ZNF469: variants seen among roughly 807,000 people sequenced by gnomAD.
The protein encoded by ZNF469 is zinc finger protein 469.
A neutral mutation model predicts 1.0 loss-of-function variants in ZNF469; 1 was observed. That is an observed-to-expected ratio of 1.00 (90% CI 0.35 to 4.73). ZNF469 has a LOEUF of 4.73. Among genes scored for constraint, ZNF469 ranks in the 30% most tolerant of loss-of-function variants. The pLI is 0.16. For missense variants in ZNF469, 6,100 were observed against 5,356.3 expected (o/e 1.14, Z -4.33); for synonymous variants, 2,703 against 2,363.4 (o/e 1.14, Z -4.17).
the ZNF469 span, among the ~76,000 whole-genome samples, chr16:88,317,289 C>G: frequency 0.014 from 2,162 of 152,332 alleles, 60 homozygotes; most frequent in African/African-American, 0.05. Context: ...ACCCTCTTCT[C>G]CGTGGAGCCT....
chr16:88,406,117 C>G (rs982878495), intron 1 of ZNF469, among the ~76,000 whole-genome samples: 9 of 152,246 alleles, frequency 5.9e-5, no homozygotes, highest in Non-Finnish European at 8.8e-5. Context: ...CACGAGCCAC[C>G]GTGTCCAGCC....
chr16:88,144,848 CT>C, the ZNF469 span, among the ~76,000 whole-genome samples: 11,560 of 150,254 alleles, frequency 0.077, 886 homozygotes, highest in East Asian at 0.19. Context: ...TTTTGCCCCC[CT>C]TTTTTTTTTT....
Position 88,439,056 on chromosome 16 carries a change from C to T in ZNF469, c.11586C>T (p.Pro3862=). The change falls in exon 3 of 3, where the codon CCC becomes CCT. Residue 3862 remains proline, a synonymous_variant. Transcript: ENST00000565624. ...ATPSRVLPTK[P]KPNSQNKPRP... Reference sequence around the variant, plus strand: ...CCAGCCGCGTGCTCCCGACCAAGCCCAAGCCCAACAGCCAGAACAAACCCA... The same window carrying T: ...CCAGCCGCGTGCTCCCGACCAAGCCTAAGCCCAACAGCCAGAACAAACCCA... 2 of 1,550,628 alleles carry T rather than the reference C, an allele frequency of 1.3e-6. No individual in the cohort carries two copies. Among genetic ancestry groups the T allele is most frequent in the African/African-American group, 2.7e-5 (2 of 73,184 alleles).
chr16:88,137,068 A>G, the ZNF469 span, among the ~76,000 whole-genome samples: 1 of 152,180 alleles, frequency 6.6e-6, no homozygotes, highest in African/African-American at 2.4e-5. Flanking sequence ...ATACCACCAC[A>G]CAAGCACCAT....
At chr16:88,337,404 C>T in the ZNF469 span, among the ~76,000 whole-genome samples, 2 of 152,238 alleles carry the variant, frequency 1.3e-5, no homozygotes, top group African/African-American at 4.8e-5. Context: ...GAGGCCTCCT[C>T]AGCCCTGTGG....
chr16:88,283,850 G>A, the ZNF469 span, among the ~76,000 whole-genome samples: 1 of 146,504 alleles, frequency 6.8e-6, no homozygotes, highest in Non-Finnish European at 1.5e-5. Flanking sequence ...CCCAAGGTCT[G>A]CAGAGGCTGG....
At chr16:88,289,649 T>C in the ZNF469 span, among the ~76,000 whole-genome samples, 124 of 152,252 alleles carry the variant, frequency 8.1e-4, no homozygotes, top group East Asian at 0.014. Context: ...AAGTCACTTG[T>C]GAGTGGTGGA....
At chr16:88,337,708 C>T in the ZNF469 span, among the ~76,000 whole-genome samples, 16 of 152,188 alleles carry the variant, frequency 1.1e-4, no homozygotes, top group East Asian at 5.8e-4. Context: ...GGCCACCCCA[C>T]GGGCGTCAGG....
the ZNF469 span, among the ~76,000 whole-genome samples, chr16:88,156,748 A>T: frequency 6.6e-6 from 1 of 152,034 alleles, no homozygotes; most frequent in African/African-American, 2.4e-5. Context: ...GAGGGACTTG[A>T]GGTGCTGCTG....
the ZNF469 span, among the ~76,000 whole-genome samples, chr16:88,166,878 G>A: frequency 2.0e-5 from 3 of 151,388 alleles, no homozygotes; most frequent in African/African-American, 7.3e-5. This position sits in a 1 kb window ranked among gnomAD's most constrained non-coding sequence, Gnocchi z 4.5. Flanking sequence ...ATAACAGATA[G>A]CATTATATCT....
the ZNF469 span, among the ~76,000 whole-genome samples, chr16:88,111,545 CTG>C: frequency 6.6e-6 from 1 of 152,186 alleles, no homozygotes; most frequent in African/African-American, 2.4e-5. Flanking sequence ...CCTTCCCAGC[CTG>C]TGGTAACCCT....
chr16:88,247,799 G>T, the ZNF469 span, among the ~76,000 whole-genome samples: 1 of 152,010 alleles, frequency 6.6e-6, no homozygotes, highest in African/African-American at 2.4e-5. Context: ...GTAAATGAGT[G>T]AATGAGTGAG....
the ZNF469 span, among the ~76,000 whole-genome samples, chr16:88,294,998 A>AGGACGTGGCAGGGCTCAGG: frequency 3.3e-5 from 5 of 150,636 alleles, no homozygotes; most frequent in African/African-American, 1.2e-4. Context: ...TCTAGCCCCC[A>AGGACGTGGCAGGGCTCAGG]GGACGTGGCA....
At chr16:88,323,894 G>A in the ZNF469 span, among the ~76,000 whole-genome samples, 36 of 152,368 alleles carry the variant, frequency 2.4e-4, no homozygotes, top group South Asian at 3.7e-3. Context: ...GAGGAGGCAC[G>A]TGGGGGTGCC....
the ZNF469 span, among the ~76,000 whole-genome samples, chr16:88,118,417 G>A: frequency 6.6e-5 from 10 of 152,208 alleles, no homozygotes; most frequent in South Asian, 6.2e-4. Flanking sequence ...GTCAGCAAAG[G>A]AGGCACAAGA....
chr16:88,130,062 C>T, the ZNF469 span, among the ~76,000 whole-genome samples: 10 of 152,160 alleles, frequency 6.6e-5, no homozygotes, highest in African/African-American at 2.4e-4. Context: ...TCTAGATCTG[C>T]TTTAAGAGGA....
chr16:88,192,907 A>ACGG, the ZNF469 span, among the ~76,000 whole-genome samples: 1 of 143,290 alleles, frequency 7.0e-6, no homozygotes, highest in East Asian at 2.2e-4. Flanking sequence ...GGTGGTGATG[A>ACGG]TGGAGGTGAT....
the ZNF469 span, among the ~76,000 whole-genome samples, chr16:88,221,370 A>G: frequency 6.6e-6 from 1 of 152,170 alleles, no homozygotes; most frequent in Non-Finnish European, 1.5e-5. Flanking sequence ...GTGGGCCACT[A>G]TCGTGCCTGG....
At chr16:88,408,226 C>T (rs1024800897) in intron 1 of ZNF469, among the ~76,000 whole-genome samples, 2 of 152,232 alleles carry the variant, frequency 1.3e-5, no homozygotes, top group East Asian at 1.9e-4. Context: ...GATCTCAGCT[C>T]ACTACAACCT....
Sources: gnomAD v4.1 joint callset for allele counts (sites outside exome capture counted in the v4.1 genomes callset) on GRCh38, gnomAD v4.1.1 for gene constraint, Gnocchi (gnomAD v3.1) non-coding constraint, MANE v1.5 for transcripts, NCBI Gene and HGNC (gene_info 2026-07-23, HGNC 2026-07-21) for gene names.